The following BBS12 variants were observed in gnomAD, a reference collection of about 807,000 sequenced individuals.
The protein encoded by BBS12 is Bardet-Biedl syndrome 12, also known as chaperonin-containing T-complex member BBS12.
In BBS12, 5 loss-of-function variants were observed where a neutral mutation model predicts 5.6. That is an observed-to-expected ratio of 0.89 (90% CI 0.46 to 1.86). The LOEUF (loss-of-function observed/expected upper bound fraction) is 1.86, where lower values mean the gene tolerates loss of function less well. Among genes scored for constraint, BBS12 ranks in the 40% most tolerant of loss-of-function variants. The probability of loss-of-function intolerance (pLI) is 0.01; values close to 1 mark genes in which losing one functional copy is unlikely to be tolerated. For synonymous variants in BBS12, 308 were observed against 306.8 expected, an observed-to-expected ratio of 1.00 and a Z score of -0.04; for missense variants, 748 against 830.4, an observed-to-expected ratio of 0.90 and a Z score of 1.22.
chr4:122,706,387 G>A, the BBS12 span, among the ~76,000 whole-genome samples: 1 of 152,138 alleles, frequency 6.6e-6, no homozygotes, highest in South Asian at 2.1e-4. Context: ...ATAAATCAAT[G>A]CTTAATGTCT....
chr4:122,726,874 G>T, the BBS12 span, among the ~76,000 whole-genome samples: 1 of 152,218 alleles, frequency 6.6e-6, no homozygotes. Context: ...AACATCATAT[G>T]TTCTCACTCA....
Position 122,743,026 on chromosome 4 carries a change from T to G in BBS12, c.1134T>G (p.Ile378Met). 6.2e-7 allele frequency: 1 copy of G among 1,614,210 alleles called. No individual in the cohort carries two copies. Reference sequence around the variant, plus strand: ...TGGGATTTAATAAGTCTGCAAATATTAAAACAGTATTAGATAGCATGCGGC... The same window carrying G: ...TGGGATTTAATAAGTCTGCAAATATGAAAACAGTATTAGATAGCATGCGGC... ...RHLGFNKSAN[I>M]KTVLDSMRLQ... Residue 378 changes from isoleucine to methionine, a missense_variant, in exon 2 of 2, where the codon ATT becomes ATG. Physicochemically the swap from Ile to Met is conservative, Grantham distance 10. Coordinates refer to ENST00000314218, the MANE Select transcript of BBS12 (RefSeq NM_152618.3).
At chr4:122,731,526 C>G (rs1452191091), upstream of BBS12, 3 of 152,050 alleles carry the variant, frequency 2.0e-5, no homozygotes, top group Non-Finnish European at 2.9e-5. Context: ...GCTAGTATTT[C>G]TTTGAAAAAT....
chr4:122,701,080 CT>C, the BBS12 span, among the ~76,000 whole-genome samples: 7 of 152,138 alleles, frequency 4.6e-5, no homozygotes, highest in African/African-American at 1.7e-4. Context: ...AACATCAAAA[CT>C]TTTTTATTTA....
chr4:122,725,496 A>G, the BBS12 span, among the ~76,000 whole-genome samples: 1 of 152,218 alleles, frequency 6.6e-6, no homozygotes, highest in East Asian at 1.9e-4. Context: ...CAAAGCAAAC[A>G]AAAACATAAA....
the BBS12 span, among the ~76,000 whole-genome samples, chr4:122,722,055 T>A: frequency 1.0e-3 from 155 of 152,316 alleles, no homozygotes; most frequent in African/African-American, 3.6e-3. Context: ...GGAAGCTTTA[T>A]ATTTTTACCT....
rs2150736667 is a variant in BBS12, at chr4:122,742,826, A to G, written c.934A>G (p.Ile312Val). 2 of 1,614,232 alleles carry G rather than the reference A, an allele frequency of 1.2e-6. No homozygotes were observed. The highest frequency in any genetic ancestry group is 1.7e-6 in the Non-Finnish European group (2 of 1,180,042). The change falls in exon 2 of 2, where the codon ATT becomes GTT. Residue 312 changes from isoleucine to valine, a missense_variant. Physicochemically the swap from Ile to Val is conservative, Grantham distance 29 (BLOSUM62 3). Transcript: ENST00000314218. ...GNCTKPFMFD[I>V]SRIFTCCLPG... ...CTGTACAAAACCATTTATGTTTGACATTTCAAGAATTTTCACTTGCTGTCT... is the reference window on the plus strand; with the variant it reads ...CTGTACAAAACCATTTATGTTTGACGTTTCAAGAATTTTCACTTGCTGTCT...
intron 1 of BBS12, among the ~76,000 whole-genome samples, chr4:122,733,161 G>A (rs936185277): frequency 4.5e-4 from 68 of 152,260 alleles, no homozygotes; most frequent in African/African-American, 1.6e-3. Context: ...CAGGGATTCT[G>A]GCATGGTAGA....
At chr4:122,715,869 T>G in the BBS12 span, among the ~76,000 whole-genome samples, 5 of 152,202 alleles carry the variant, frequency 3.3e-5, no homozygotes, top group Non-Finnish European at 5.9e-5. Context: ...TATATACAGT[T>G]TGTTCTTTTG....
chr4:122,726,253 T>C, the BBS12 span, among the ~76,000 whole-genome samples: 4 of 151,936 alleles, frequency 2.6e-5, no homozygotes, highest in African/African-American at 9.7e-5. Flanking sequence ...CATCAAAAAG[T>C]GGGCTAAGGA....
chr4:122,737,867 G>A (rs951695980), intron 1 of BBS12, among the ~76,000 whole-genome samples: 5 of 152,218 alleles, frequency 3.3e-5, no homozygotes, highest in Non-Finnish European at 7.3e-5. Context: ...GAAATCCATA[G>A]ACATCTATGG....
At chr4:122,714,831 CAT>C in the BBS12 span, among the ~76,000 whole-genome samples, 1 of 151,854 alleles carries the variant, frequency 6.6e-6, no homozygotes, top group East Asian at 1.9e-4. Flanking sequence ...AAATTTAAAA[CAT>C]AAAACAATAG....
the BBS12 span, among the ~76,000 whole-genome samples, chr4:122,725,094 A>T: frequency 6.6e-6 from 1 of 152,226 alleles, no homozygotes; most frequent in Non-Finnish European, 1.5e-5. Context: ...TTTTACTGTT[A>T]CATAGCACAA....
At chr4:122,707,972 CCTTT>C in the BBS12 span, among the ~76,000 whole-genome samples, 489 of 124,710 alleles carry the variant, frequency 3.9e-3, 12 homozygotes, top group Non-Finnish European at 2.8e-3. Flanking sequence ...TTCCTTCCTT[CCTTT>C]CTTTCTTTCT....
chr4:122,702,432 G>T, the BBS12 span, among the ~76,000 whole-genome samples: 1 of 152,216 alleles, frequency 6.6e-6, no homozygotes, highest in East Asian at 1.9e-4. Context: ...TTCTTAATTT[G>T]TCAGTCTCTA....
chr4:122,711,419 T>G, the BBS12 span, among the ~76,000 whole-genome samples: 5 of 151,442 alleles, frequency 3.3e-5, no homozygotes, highest in African/African-American at 1.2e-4. Flanking sequence ...TTTCCACAAC[T>G]GGAATCACAG....
chr4:122,720,478 C>A, the BBS12 span, among the ~76,000 whole-genome samples: 24 of 151,888 alleles, frequency 1.6e-4, no homozygotes, highest in African/African-American at 5.6e-4. Context: ...ACAAAAAAAA[C>A]AGAGGAAAAT....
At chr4:122,713,831 A>G in the BBS12 span, among the ~76,000 whole-genome samples, 2 of 152,222 alleles carry the variant, frequency 1.3e-5, no homozygotes, top group Non-Finnish European at 2.9e-5. Context: ...TAAAAAGATT[A>G]TACCCTTTTT....
the BBS12 span, among the ~76,000 whole-genome samples, chr4:122,721,462 AT>A: frequency 8.0e-4 from 122 of 152,340 alleles, 1 homozygote; most frequent in African/African-American, 2.7e-3. Context: ...GTAATATTCT[AT>A]TGTTTAAATA....
Sources: allele counts gnomAD v4.1 joint callset (sites outside exome capture counted in the v4.1 genomes callset), GRCh38; gene constraint gnomAD v4.1.1; transcripts MANE v1.5; gene names NCBI Gene and HGNC (gene_info 2026-07-23, HGNC 2026-07-21).